LCN1: variants seen among roughly 807,000 people sequenced by gnomAD.
LCN1 encodes lipocalin-1.
In LCN1, 25 loss-of-function variants were observed where a neutral mutation model predicts 22.3. That is an observed-to-expected ratio of 1.12 (90% confidence interval 0.82 to 1.56). LCN1 has a LOEUF of 1.56. Among genes scored for constraint, LCN1 ranks in the 40% most tolerant of loss-of-function variants. The pLI, the probability that LCN1 is intolerant of heterozygous loss-of-function variation, is 0.00. For missense variants in LCN1, 219 were observed against 235.6 expected (o/e 0.93, Z 0.46); for synonymous variants, 85 against 97.6 (o/e 0.87, Z 0.76).
At chr9:135,522,228 C>T (rs541695751) in intron 2 of LCN1, 51 bp downstream of exon 2, 5 of 1,571,500 alleles carry the variant, frequency 3.2e-6, no homozygotes, top group Admixed American at 1.9e-5. Context: ...CTAGGGCCTT[C>T]CCTTTCCCCA....
chr9:135,523,038 G>C (rs1025555239), intron 2 of LCN1, among the ~76,000 whole-genome samples, 194 bp from the exon 3 acceptor site: 8 of 152,198 alleles, frequency 5.3e-5, no homozygotes, highest in Non-Finnish European at 1.2e-4. Flanking sequence ...TGGCCATCTC[G>C]GGAGACCCCG....
intron 2 of LCN1, among the ~76,000 whole-genome samples, chr9:135,522,941 C>A (rs1831535140): frequency 6.7e-6 from 1 of 150,218 alleles, no homozygotes; most frequent in Non-Finnish European, 1.5e-5. Context: ...GCCTGCAAAC[C>A]AGGCAGCCTG....
intron 4 of LCN1, among the ~76,000 whole-genome samples, chr9:135,524,386 C>T (rs58879611): frequency 0.065 from 9,908 of 152,244 alleles, 370 homozygotes; most frequent in African/African-American, 0.095. Context: ...TTCCAGCTCC[C>T]GGGGTTGAAT....
rs773312165 is a variant in LCN1 at position 135,521,473 on chromosome 9, G to A, written c.-25G>A. On this transcript the variant is annotated 5_prime_UTR_variant, in exon 1 of 7. Coordinates refer to ENST00000371781, the MANE Select transcript of LCN1 (RefSeq NM_002297.4). ...CCAGCCCCAGCAAGCGACCTGTCAG[G>A]CGGCCGTGGACTCAGACTCCGGAGA... 1 of 1,605,162 alleles carries A rather than the reference G, an allele frequency of 6.2e-7. No individual in the cohort carries two copies. The highest frequency in any genetic ancestry group is 2.2e-5 in the East Asian group (1 of 44,822).
chr9:135,525,822 C>T (rs368275305), intron 6 of LCN1, among the ~76,000 whole-genome samples: 8 of 148,172 alleles, frequency 5.4e-5, no homozygotes, highest in South Asian at 2.2e-4. Context: ...CCCAAGAGTC[C>T]GTGTGTGCCC....
In LCN1 at chr9:135,521,597, G is replaced by A. The variant is rs372970561; in HGVS notation, c.90+10G>A. The A allele has an allele frequency of 3.4e-4, 544 of 1,603,008 alleles. 1 individual carries two copies. In the African/African-American group the frequency reaches 4.5e-3, roughly 13 times the overall value. ...CGAGGAGATTCAGGATGTGAGGCCC[G>A]GATGGGAAGGCTGGGCTGGAGGGGG... is the stretch of plus-strand genomic sequence containing the variant. On this transcript the variant is annotated intron_variant, in intron 1 of 6. Transcript: ENST00000371781.
chr9:135,522,212 C>T (rs1373022692), intron 2 of LCN1, 35 bp downstream of exon 2: 3 of 1,594,850 alleles, frequency 1.9e-6, no homozygotes, highest in Non-Finnish European at 2.6e-6. Flanking sequence ...CAGCCTGCAA[C>T]CTGGTCTAGG....
intron 6 of LCN1, 130 bp downstream of exon 6, chr9:135,525,288 G>A (rs1487524756): frequency 1.0e-5 from 9 of 862,138 alleles, no homozygotes; most frequent in Non-Finnish European, 1.6e-5. Flanking sequence ...CGTAGGTCAG[G>A]CAGGTGGGAG....
At chr9:135,525,205 G>A in intron 6 of LCN1, 47 bp downstream of exon 6, 1 of 1,583,982 alleles carries the variant, frequency 6.3e-7, no homozygotes, top group Non-Finnish European at 8.6e-7. Context: ...CAGTTCTGGG[G>A]CTCAGTGGTG....
chr9:135,525,078 G>A lies in LCN1; in HGVS notation c.506-54G>A, dbSNP rs1390348340. 4.4e-5 allele frequency: 70 copies of A among 1,601,006 alleles called. No homozygotes were observed. In the Middle Eastern group the frequency reaches 8.4e-4, roughly 19 times the overall value. On this transcript the variant is annotated intron_variant, in intron 5 of 6. Coordinates refer to ENST00000371781, the MANE Select transcript of LCN1 (RefSeq NM_002297.4). Reference sequence around the variant, plus strand: ...GAGCTGGTGGCTGATGAGGGGCCCCGGTCCTGACTGCATTCCTGGGGTCTC... The same window carrying A: ...GAGCTGGTGGCTGATGAGGGGCCCCAGTCCTGACTGCATTCCTGGGGTCTC...
Position 135,525,806 on chromosome 9 carries a change from G to A in LCN1, c.*2-538G>A, listed in dbSNP as rs1469307481. Among the ~76,000 whole-genome samples, 3 of 150,124 alleles carry A rather than the reference G, an allele frequency of 2.0e-5. No homozygotes were observed. The East Asian group carries it at 5.9e-4, about 30-fold the overall frequency. ...AATCTAGAGGCTGGAGCCCCCACCT[G>A]CAGCCCCCAAGAGTCCGTGTGTGCC... is the stretch of plus-strand genomic sequence containing the variant. On this transcript the variant is annotated intron_variant, in intron 6 of 6. Coordinates refer to ENST00000371781, the MANE Select transcript of LCN1 (RefSeq NM_002297.4).
intron 6 of LCN1, among the ~76,000 whole-genome samples, chr9:135,525,551 C>T (rs1831617239): frequency 6.6e-6 from 1 of 152,128 alleles, no homozygotes; most frequent in Non-Finnish European, 1.5e-5. Context: ...AAGTGGCAGG[C>T]GTGCCTGTGC....
At chr9:135,522,372 C>T (rs375609239) in intron 2 of LCN1, among the ~76,000 whole-genome samples, 195 bp downstream of exon 2, 1 of 152,214 alleles carries the variant, frequency 6.6e-6, no homozygotes, top group Non-Finnish European at 1.5e-5. Context: ...GGCAGAGGCC[C>T]CGGATCAGAC....
At chr9:135,525,204 G>GTTT in intron 6 of LCN1, 46 bp downstream of exon 6, 1 of 1,593,206 alleles carries the variant, frequency 6.3e-7, no homozygotes. Context: ...CCAGTTCTGG[G>GTTT]GCTCAGTGGT....
intron 5 of LCN1, 35 bp downstream of exon 5, chr9:135,524,966 C>G: frequency 5.1e-6 from 8 of 1,581,334 alleles, no homozygotes; most frequent in Non-Finnish European, 5.2e-6. Context: ...CCCCCATGTC[C>G]CCGCGTGGGG....
intron 4 of LCN1, among the ~76,000 whole-genome samples, 197 bp downstream of exon 4, chr9:135,524,187 T>C (rs1265490180): frequency 1.3e-5 from 2 of 151,752 alleles, no homozygotes; most frequent in African/African-American, 4.8e-5. Context: ...CCGGCCTCGG[T>C]ATCTGCAGCA....
intron 6 of LCN1, among the ~76,000 whole-genome samples, chr9:135,525,463 G>A (rs924330940): frequency 2.6e-5 from 4 of 152,110 alleles, no homozygotes; most frequent in East Asian, 1.9e-4. Context: ...CAGGAGATTC[G>A]GGTTCCTCCT....
rs1317562996 is a variant in LCN1, at chr9:135,526,329, T to C, written c.*2-15T>C. On this transcript the variant is annotated splice_polypyrimidine_tract_variant and intron_variant, in intron 6 of 6. Transcript: ENST00000371781. ...CTTGCTGTCCTGGCCTCACTCACCC[T>C]CCCCCCCTTTCCAGGGCAGGGGACA... 40 of 932,542 alleles carry C rather than the reference T, an allele frequency of 4.3e-5. No homozygotes were observed. The highest frequency in any genetic ancestry group is 2.6e-4 in the South Asian group (10 of 38,902). 57.8% of individuals were successfully genotyped at this position (932,542 alleles called of 1,614,324 possible).
intron 2 of LCN1, 139 bp from the exon 3 acceptor site, chr9:135,523,093 T>G: frequency 1.4e-6 from 1 of 718,846 alleles, no homozygotes; most frequent in Non-Finnish European, 2.2e-6. Flanking sequence ...TGCCTGGGTC[T>G]GAGATGCAGA....
Sources: allele counts gnomAD v4.1 joint callset (sites outside exome capture counted in the v4.1 genomes callset), GRCh38; gene constraint gnomAD v4.1.1; transcripts MANE v1.5; gene names NCBI Gene and HGNC (gene_info 2026-07-23, HGNC 2026-07-21).